Variants in XIAP observed in about 807,000 individuals in gnomAD.
XIAP encodes E3 ubiquitin-protein ligase XIAP.
Under a neutral mutation model 33.1 loss-of-function variants are expected in XIAP, and 3 were observed. That is an observed-to-expected ratio of 0.09 (90% CI 0.04 to 0.23). The LOEUF (loss-of-function observed/expected upper bound fraction) is 0.23. Ranked by LOEUF, XIAP falls within the 10% of genes least tolerant of loss-of-function variation. The pLI, the probability that XIAP is intolerant of heterozygous loss-of-function variation, is 1.00. For synonymous variants in XIAP, 98 were observed against 121.3 expected, an observed-to-expected ratio of 0.81 and a Z score of 1.26; for missense variants, 264 against 363.0, an observed-to-expected ratio of 0.73 and a Z score of 2.22.
At chrX:123,881,845 C>T (rs2053307561) in intron 1 of XIAP, among the ~76,000 whole-genome samples, 1 of 109,248 alleles carries the variant, frequency 9.2e-6, no homozygotes, top group African/African-American at 3.3e-5. Context: ...CCTCCACCTC[C>T]CAGGTTCAGG....
Position 123,885,548 on chromosome X carries a change from G to A in XIAP, c.-32-83G>A, listed in dbSNP as rs143747588. 3,437 of 770,148 alleles carry A rather than the reference G, an allele frequency of 4.5e-3. 8 individuals carry two copies. Among genetic ancestry groups the A allele is most frequent in the Middle Eastern group, 0.01 (23 of 2,240 alleles). The allele number at this position is 770,148 out of a possible 1,213,427, so 63.5% of individuals were successfully genotyped here. A position where few individuals can be genotyped will look rare whatever the true frequency, so the allele number is the denominator to read the frequency against. ...GTGTAGTTATTTTTATGTCATAAGTGGATAATTTGTTAGCTCCTATAACAA... is the reference window on the plus strand; with the variant it reads ...GTGTAGTTATTTTTATGTCATAAGTAGATAATTTGTTAGCTCCTATAACAA... On this transcript the variant is annotated intron_variant, in intron 1 of 6. Transcript: ENST00000371199.
chrX:123,912,947 AT>A lies in XIAP; in HGVS notation c.*5771del. ...AGGCGTGAGCCACCACGGCCGGCTA[AT>A]TTTTGTATTTTTTAGTAGTGACTGG... On this transcript the variant is annotated 3_prime_UTR_variant, in exon 7 of 7. Transcript: ENST00000371199. The A allele has an allele frequency of 3.5e-6, 1 of 283,729 alleles. No homozygotes were observed. Among genetic ancestry groups the A allele is most frequent in the Non-Finnish European group, 6.8e-6 (1 of 148,125 alleles). The allele number at this position is 283,729 out of a possible 1,213,427, so 23.4% of individuals were successfully genotyped here. A position where few individuals can be genotyped will look rare whatever the true frequency, so the allele number is the denominator to read the frequency against.
intron 1 of XIAP, among the ~76,000 whole-genome samples, chrX:123,882,998 T>C (rs752984973): frequency 9.0e-6 from 1 of 110,915 alleles, no homozygotes; most frequent in South Asian, 3.9e-4. Flanking sequence ...TTTCTCCATT[T>C]TGGTCAGGCT....
upstream of XIAP, chrX:123,860,018 C>A: frequency 3.1e-6 from 1 of 319,187 alleles, no homozygotes; most frequent in Non-Finnish European, 6.2e-6. Flanking sequence ...GCAGCCCGGG[C>A]TGGGAGACTG....
At chrX:123,875,266 C>G (rs1360517979) in intron 1 of XIAP, among the ~76,000 whole-genome samples, 1 of 110,684 alleles carries the variant, frequency 9.0e-6, no homozygotes, top group Non-Finnish European at 1.9e-5. Flanking sequence ...GGTGATCCGC[C>G]TGCCTTGGCC....
At chrX:123,879,828 A>T (rs1413873858) in intron 1 of XIAP, among the ~76,000 whole-genome samples, 5 of 110,508 alleles carry the variant, frequency 4.5e-5, no homozygotes, top group Non-Finnish European at 9.5e-5. Context: ...GTATTTGAAA[A>T]CCTTGGCTGG....
intron 6 of XIAP, among the ~76,000 whole-genome samples, chrX:123,903,826 G>A (rs1013570649): frequency 2.8e-5 from 3 of 108,207 alleles, no homozygotes; most frequent in African/African-American, 6.7e-5. Context: ...GGTGGCACAC[G>A]CCTGTAGTTC....
At position 123,913,420 on chromosome X, in the gene XIAP, A is replaced by G. The variant is rs750172694; in HGVS notation, c.*6239A>G. 1 of 328,355 alleles carries G rather than the reference A, an allele frequency of 3.0e-6. No homozygotes were observed. Among genetic ancestry groups the G allele is most frequent in the East Asian group, 9.7e-5 (1 of 10,275 alleles). 27.1% of individuals were successfully genotyped at this position (328,355 alleles called of 1,213,427 possible). On this transcript the variant is annotated 3_prime_UTR_variant, in exon 7 of 7. Coordinates refer to ENST00000371199, the MANE Select transcript of XIAP (RefSeq NM_001167.4). ...GGGAGGCGGAGGTTGCAGGGAGCCAAGATGGCGCCACCGCACTCCAGCCTA... is the reference window on the plus strand; with the variant it reads ...GGGAGGCGGAGGTTGCAGGGAGCCAGGATGGCGCCACCGCACTCCAGCCTA...
intron 5 of XIAP, among the ~76,000 whole-genome samples, chrX:123,897,670 C>G (rs959902599): frequency 4.5e-5 from 5 of 111,308 alleles, no homozygotes; most frequent in Non-Finnish European, 9.4e-5. Context: ...TCAAGCGATT[C>G]TCCTGCATCA....
At chrX:123,888,332 C>T (rs1302066379) in intron 2 of XIAP, among the ~76,000 whole-genome samples, 2 of 111,854 alleles carry the variant, frequency 1.8e-5, no homozygotes, top group African/African-American at 6.5e-5. Flanking sequence ...CAGACTCAGT[C>T]TCAAAAAAAG....
chrX:123,886,680 G>T lies in XIAP; in HGVS notation c.877+141G>T, dbSNP rs763721759. On this transcript the variant is annotated intron_variant, in intron 2 of 6. Transcript: ENST00000371199. ...ATTATATATATATCTGTATTATTCC[G>T]TGAACTCTTATGTTGAACCTGTAAT... is the stretch of plus-strand genomic sequence containing the variant. The T allele has an allele frequency of 9.2e-4, 589 of 639,160 alleles. 2 individuals carry two copies. The highest frequency in any genetic ancestry group is 5.1e-3 in the Middle Eastern group (10 of 1,963). 52.7% of individuals were successfully genotyped at this position (639,160 alleles called of 1,213,427 possible).
chrX:123,868,261 C>G (rs1214935086), intron 1 of XIAP, among the ~76,000 whole-genome samples: 1 of 111,550 alleles, frequency 9.0e-6, no homozygotes, highest in Non-Finnish European at 1.9e-5. Flanking sequence ...CCACTGCATT[C>G]TAGCCTGAGT....
chrX:123,878,377 C>G (rs2053266438), intron 1 of XIAP, among the ~76,000 whole-genome samples: 1 of 111,587 alleles, frequency 9.0e-6, no homozygotes. Context: ...CCCCAGTAAC[C>G]ATTTGTAGTC....
intron 2 of XIAP, among the ~76,000 whole-genome samples, chrX:123,888,192 G>A (rs750198369): frequency 6.6e-4 from 73 of 109,850 alleles, no homozygotes; most frequent in Non-Finnish European, 1.0e-3. Flanking sequence ...AAAATTAGCC[G>A]GGTGTGGTGG....
chrX:123,880,737 CAAAAAAAAAA>C (rs35365799), intron 1 of XIAP, among the ~76,000 whole-genome samples: 77 of 63,945 alleles, frequency 1.2e-3, no homozygotes, highest in African/African-American at 3.9e-3. Context: ...AACTCTGTTT[CAAAAAAAAAA>C]AAAAAAAAAG....
intron 5 of XIAP, among the ~76,000 whole-genome samples, chrX:123,899,200 A>ATTTTATATATATGATT (rs74417370): frequency 4.6e-5 from 2 of 43,021 alleles, no homozygotes; most frequent in South Asian, 1.3e-3. Flanking sequence ...TATATATATG[A>ATTTTATATATATGATT]TTGTGTATAT....
In XIAP at chrX:123,913,683, CAA is replaced by C. The variant is rs2053627811; in HGVS notation, c.*6503_*6504del. On this transcript the variant is annotated 3_prime_UTR_variant, in exon 7 of 7. Coordinates refer to ENST00000371199, the MANE Select transcript of XIAP (RefSeq NM_001167.4). ...AATTTGCAGTTTTGGTTTGATGTAA[CAA>C]GGGTTTTAATGTAATTTATGTTAGA... The C allele has an allele frequency of 6.2e-6, 2 of 322,495 alleles. No homozygotes were observed. The highest frequency in any genetic ancestry group is 5.9e-6 in the Non-Finnish European group (1 of 168,436). 26.6% of individuals were successfully genotyped at this position (322,495 alleles called of 1,213,427 possible).
In XIAP at chrX:123,889,088, C is replaced by T. The variant is rs1300978252; in HGVS notation, c.977+370C>T. On this transcript the variant is annotated intron_variant, in intron 3 of 6. Coordinates refer to ENST00000371199, the MANE Select transcript of XIAP (RefSeq NM_001167.4). Reference sequence around the variant, plus strand: ...CACCCGCCACTGCCACCATGCCTGGCTAATTTTTTTTTTTTTTTTTTGATA... The same window carrying T: ...CACCCGCCACTGCCACCATGCCTGGTTAATTTTTTTTTTTTTTTTTTGATA... 4.4e-5 allele frequency among the ~76,000 whole-genome samples: 4 copies of T among 91,888 alleles called. No individual in the cohort carries two copies. In the Admixed American group the frequency reaches 5.1e-4, roughly 12 times the overall value. The allele number at this position is 91,888 out of a possible 115,157, so 79.8% of individuals were successfully genotyped here.
intron 1 of XIAP, among the ~76,000 whole-genome samples, chrX:123,873,345 AT>A (rs1326850344): frequency 1.1e-5 from 1 of 93,078 alleles, no homozygotes. Flanking sequence ...TTTTTATTTT[AT>A]TTTTTTTTGT....
Sources: allele counts gnomAD v4.1 joint callset (sites outside exome capture counted in the v4.1 genomes callset), GRCh38; gene constraint gnomAD v4.1.1; transcripts MANE v1.5; gene names NCBI Gene and HGNC (gene_info 2026-07-23, HGNC 2026-07-21).